The following KTN1 variants were observed in gnomAD, a reference collection of about 807,000 sequenced individuals.
KTN1 encodes kinectin.
A neutral mutation model predicts 222.5 loss-of-function variants in KTN1; 130 were observed. The observed-to-expected ratio is 0.58, with a 90% CI of 0.51 to 0.68. The LOEUF (loss-of-function observed/expected upper bound fraction) is 0.68. Among genes scored for constraint, KTN1 ranks in the 30% least tolerant of loss-of-function variants. The pLI, the probability that KTN1 is intolerant of heterozygous loss-of-function variation, is 0.00. For synonymous variants in KTN1, 512 were observed against 496.3 expected (o/e 1.03, Z -0.42); for missense variants, 1,508 against 1,500.4 (o/e 1.01, Z -0.08).
At chr14:55,679,921 A>T in intron 43 of KTN1, 2 of 457,216 alleles carry the variant, frequency 4.4e-6, no homozygotes, top group Non-Finnish European at 7.6e-6. Flanking sequence ...TATCAAACAG[A>T]CTCTCTTGTA....
At chr14:55,613,979 A>G (rs983490590) in intron 2 of KTN1, among the ~76,000 whole-genome samples, 1 of 152,202 alleles carries the variant, frequency 6.6e-6, no homozygotes, top group Non-Finnish European at 1.5e-5. Flanking sequence ...GTTCCTGAGC[A>G]TTGAATCGCT....
intron 1 of KTN1, among the ~76,000 whole-genome samples, chr14:55,589,427 T>A (rs112306275): frequency 6.6e-6 from 1 of 151,886 alleles, no homozygotes. Flanking sequence ...GCGATTCTAC[T>A]GCCTCCTGAG....
chr14:55,637,053 T>G, intron 10 of KTN1, 145 bp from the exon 11 acceptor site: 4 of 548,560 alleles, frequency 7.3e-6, no homozygotes, highest in African/African-American at 3.8e-5. Flanking sequence ...GAAACGCAAG[T>G]ATAGCCTGCT....
chr14:55,644,090 T>C (rs1008390324), intron 18 of KTN1, among the ~76,000 whole-genome samples: 26 of 152,228 alleles, frequency 1.7e-4, no homozygotes, highest in African/African-American at 5.8e-4. Flanking sequence ...AGAAAGCATA[T>C]GACTGAGGTT....
At chr14:55,665,505 A>G (rs907848501) in intron 33 of KTN1, among the ~76,000 whole-genome samples, 3 of 152,220 alleles carry the variant, frequency 2.0e-5, no homozygotes, top group Middle Eastern at 3.4e-3. Flanking sequence ...CTTAGATAGC[A>G]TACGTGTAAA....
intron 5 of KTN1, among the ~76,000 whole-genome samples, chr14:55,627,494 T>C (rs1349380506): frequency 3.9e-5 from 6 of 152,200 alleles, no homozygotes; most frequent in Non-Finnish European, 8.8e-5. Context: ...CTGGGATACA[T>C]GTGCAGAACG....
At chr14:55,659,307 G>GTT (rs772118269) in intron 30 of KTN1, among the ~76,000 whole-genome samples, 5 of 120,622 alleles carry the variant, frequency 4.1e-5, no homozygotes, top group African/African-American at 8.9e-5. Flanking sequence ...TTTGATTTCT[G>GTT]TTTTTTTTTT....
At chr14:55,580,766 G>A (rs545463045) in intron 1 of KTN1, among the ~76,000 whole-genome samples, 14 of 152,282 alleles carry the variant, frequency 9.2e-5, no homozygotes, top group African/African-American at 3.4e-4. Flanking sequence ...GAGGGAAGGC[G>A]GATTACCGCC....
intron 37 of KTN1, 183 bp from the exon 38 acceptor site, chr14:55,672,447 T>C (rs2045533245): frequency 3.9e-6 from 2 of 513,782 alleles, no homozygotes; most frequent in African/African-American, 3.9e-5. Context: ...GGAGTAGGTT[T>C]GGACCACAAT....
chr14:55,634,749 G>C, intron 9 of KTN1, 91 bp downstream of exon 9: 2 of 1,102,320 alleles, frequency 1.8e-6, no homozygotes, highest in Non-Finnish European at 2.5e-6. Context: ...GCCCGAGACT[G>C]GGTAAATTTT....
At chr14:55,582,800 G>A (rs1302963785) in intron 1 of KTN1, among the ~76,000 whole-genome samples, 1 of 152,132 alleles carries the variant, frequency 6.6e-6, no homozygotes. Context: ...GAGAAAAATC[G>A]TGCTTTGCAA....
In KTN1 at chr14:55,612,026, A is replaced by G. The variant is rs1566705896; in HGVS notation, c.-23A>G. 7.5e-7 allele frequency: 1 copy of G among 1,329,590 alleles called. No individual in the cohort carries two copies. 82.4% of individuals were successfully genotyped at this position (1,329,590 alleles called of 1,614,324 possible). A position where few individuals can be genotyped will look rare whatever the true frequency, so the allele number is the denominator to read the frequency against. On this transcript the variant is annotated 5_prime_UTR_variant, in exon 2 of 44. It adds an upstream start codon to the 5' untranslated region. Coordinates refer to ENST00000395314, the MANE Select transcript of KTN1 (RefSeq NM_001079521.2). ...ACCTTCTTCCCTATTTAGGTTTTATAGGATCACATTGACAAAAGTACCATG... is the reference window on the plus strand; with the variant it reads ...ACCTTCTTCCCTATTTAGGTTTTATGGGATCACATTGACAAAAGTACCATG...
intron 1 of KTN1, among the ~76,000 whole-genome samples, chr14:55,599,228 G>C (rs1383154862): frequency 6.6e-6 from 1 of 151,756 alleles, no homozygotes; most frequent in Non-Finnish European, 1.5e-5. Flanking sequence ...AACTCTCATG[G>C]CTGAAATTTT....
chr14:55,671,498 AAAAC>A, intron 35 of KTN1, 64 bp from the exon 36 acceptor site: 1 of 1,167,840 alleles, frequency 8.6e-7, no homozygotes, highest in African/African-American at 1.5e-5. Flanking sequence ...ATTAAGTACT[AAAAC>A]AAACTTGAAG....
chr14:55,640,106 CTA>C (rs1178198914), intron 14 of KTN1, 103 bp downstream of exon 14: 1 of 767,744 alleles, frequency 1.3e-6, no homozygotes, highest in Admixed American at 2.4e-5. Context: ...GGAAAATAGT[CTA>C]GAATTCATTT....
chr14:55,640,992 TAG>T, intron 16 of KTN1, 22 bp downstream of exon 16: 2 of 1,583,910 alleles, frequency 1.3e-6, no homozygotes, highest in Non-Finnish European at 1.7e-6. Flanking sequence ...ATTGTACATC[TAG>T]TCGTTCATAC....
chr14:55,627,230 G>T (rs889373472), intron 5 of KTN1, among the ~76,000 whole-genome samples: 2 of 152,086 alleles, frequency 1.3e-5, no homozygotes, highest in African/African-American at 2.4e-5. Context: ...TGGAATTCCT[G>T]TAGTTCTTCG....
chr14:55,674,681 A>G (rs1017299197), intron 40 of KTN1: 5 of 152,120 alleles, frequency 3.3e-5, no homozygotes, highest in African/African-American at 4.8e-5. Context: ...GGCTGACTCA[A>G]CAGTTACATG....
At chr14:55,613,129 T>C (rs2037835096) in intron 2 of KTN1, among the ~76,000 whole-genome samples, 1 of 152,216 alleles carries the variant, frequency 6.6e-6, no homozygotes, top group South Asian at 2.1e-4. Context: ...GTATTAGGGC[T>C]ACAGAGATGA....
Sources: gnomAD v4.1 joint callset for allele counts (sites outside exome capture counted in the v4.1 genomes callset) on GRCh38, gnomAD v4.1.1 for gene constraint, MANE v1.5 for transcripts, NCBI Gene and HGNC (gene_info 2026-07-23, HGNC 2026-07-21) for gene names.